FOXP1: variants seen among roughly 807,000 people sequenced by gnomAD.
The protein encoded by FOXP1 is forkhead box P1, also known as forkhead box protein P1.
FOXP1 carries 15 observed loss-of-function variants against 98.2 expected under a neutral mutation model. That is an observed-to-expected ratio of 0.15 (90% CI 0.10 to 0.24). The LOEUF (loss-of-function observed/expected upper bound fraction) is 0.24, where lower values mean the gene tolerates loss of function less well. Among genes scored for constraint, FOXP1 ranks in the 10% least tolerant of loss-of-function variants. The pLI is 1.00. For missense variants in FOXP1, 633 were observed against 848.5 expected, an observed-to-expected ratio of 0.75 and a Z score of 3.15; for synonymous variants, 371 against 314.5, an observed-to-expected ratio of 1.18 and a Z score of -1.90.
intron 5 of FOXP1, among the ~76,000 whole-genome samples, chr3:71,299,493 C>A (rs1287799179): frequency 6.6e-6 from 1 of 152,184 alleles, no homozygotes; most frequent in South Asian, 2.1e-4. Flanking sequence ...TTATGAATCA[C>A]CACTTTTGTG....
intron 3 of FOXP1, among the ~76,000 whole-genome samples, chr3:71,404,454 G>T (rs1263276462): frequency 2.0e-5 from 3 of 151,806 alleles, no homozygotes; most frequent in East Asian, 3.9e-4. Flanking sequence ...TTGGAAACAA[G>T]ACTTTATTGT....
chr3:71,152,947 A>G (rs568060346), intron 6 of FOXP1, among the ~76,000 whole-genome samples: 18 of 152,192 alleles, frequency 1.2e-4, no homozygotes, highest in Non-Finnish European at 2.2e-4. Flanking sequence ...TAACTCGGCA[A>G]GTCCTTGACA....
intron 6 of FOXP1, among the ~76,000 whole-genome samples, chr3:71,135,756 G>A (rs895491233): frequency 1.3e-5 from 2 of 152,294 alleles, no homozygotes; most frequent in African/African-American, 4.8e-5. Flanking sequence ...AGGCCAAGGG[G>A]ACTGTGGAAG....
At chr3:71,105,273 T>C (rs1377229221) in intron 7 of FOXP1, among the ~76,000 whole-genome samples, 1 of 152,222 alleles carries the variant, frequency 6.6e-6, no homozygotes, top group Non-Finnish European at 1.5e-5. Flanking sequence ...GACAGTGTTA[T>C]TCCTAATTAC....
chr3:70,970,725 G>GTTAATCTTACCTGTAAAGCTGCAT lies in FOXP1; in HGVS notation c.1709_1722+10dup, dbSNP rs1355238867. 6.2e-7 allele frequency: 1 copy of GTTAATCTTACCTGTAAAGCTGCAT among 1,609,886 alleles called. No homozygotes were observed. The highest frequency in any genetic ancestry group is 1.3e-5 in the African/African-American group (1 of 74,824). Reference sequence around the variant, plus strand: ...CCTCTGCTGCATATTCGGGACGGCCGTTAATCTTACCTGTAAAGCTGCATT... The same window carrying GTTAATCTTACCTGTAAAGCTGCAT: ...CCTCTGCTGCATATTCGGGACGGCCGTTAATCTTACCTGTAAAGCTGCATTTAATCTTACCTGTAAAGCTGCATT... On this transcript the variant is annotated intron_variant, in intron 19 of 20. Transcript: ENST00000649528.
intron 3 of FOXP1, among the ~76,000 whole-genome samples, chr3:71,416,181 A>G (rs1252375779): frequency 6.6e-6 from 1 of 152,188 alleles, no homozygotes; most frequent in African/African-American, 2.4e-5. Context: ...TAAAACCGAA[A>G]GGGATGAATG....
At chr3:71,581,119 G>C (rs890338750) in intron 2 of FOXP1, 5 of 976,586 alleles carry the variant, frequency 5.1e-6, no homozygotes, top group African/African-American at 1.8e-5. Flanking sequence ...TCTTCTGGTA[G>C]AGCAAAAAGA....
chr3:71,355,187 G>A (rs1343085516), intron 4 of FOXP1, among the ~76,000 whole-genome samples: 1 of 152,076 alleles, frequency 6.6e-6, no homozygotes, highest in African/African-American at 2.4e-5. Flanking sequence ...GTCCTCTTAG[G>A]TGCCATAAAA....
At chr3:71,415,510 A>T (rs539205222) in intron 3 of FOXP1, among the ~76,000 whole-genome samples, 1 of 152,336 alleles carries the variant, frequency 6.6e-6, no homozygotes, top group South Asian at 2.1e-4. Context: ...AAAGGAATGT[A>T]GAAATCATGG....
intron 4 of FOXP1, among the ~76,000 whole-genome samples, chr3:71,320,568 T>A (rs2075330446): frequency 6.6e-6 from 1 of 152,154 alleles, no homozygotes; most frequent in Admixed American, 6.5e-5. Context: ...GTCCCTGTTA[T>A]CTATTCCCTT....
intron 6 of FOXP1, among the ~76,000 whole-genome samples, chr3:71,153,942 T>C (rs554364131): frequency 2.0e-5 from 3 of 152,316 alleles, no homozygotes; most frequent in Admixed American, 2.0e-4. Flanking sequence ...ACACGTAGCA[T>C]ACTAGGTCCA....
chr3:71,414,694 C>T (rs2083072379), intron 3 of FOXP1, among the ~76,000 whole-genome samples: 1 of 152,218 alleles, frequency 6.6e-6, no homozygotes, highest in African/African-American at 2.4e-5. Flanking sequence ...CAAGCGGAGC[C>T]CTGGCCTCAA....
At chr3:71,211,198 A>C (rs2064432388) in intron 5 of FOXP1, among the ~76,000 whole-genome samples, 1 of 151,962 alleles carries the variant, frequency 6.6e-6, no homozygotes, top group Non-Finnish European at 1.5e-5. Flanking sequence ...ACCCACATTT[A>C]GTTCTATTTT....
intron 6 of FOXP1, among the ~76,000 whole-genome samples, chr3:71,171,766 A>AT (rs1265586807): frequency 6.6e-6 from 1 of 152,212 alleles, no homozygotes; most frequent in Non-Finnish European, 1.5e-5. Flanking sequence ...GAAAAGTTGT[A>AT]TTGACACACA....
intron 6 of FOXP1, among the ~76,000 whole-genome samples, chr3:71,132,369 T>C (rs1279559745): frequency 1.3e-5 from 2 of 152,198 alleles, no homozygotes; most frequent in Non-Finnish European, 2.9e-5. Flanking sequence ...TAACACCTAG[T>C]AGCTTTTAAG....
rs72628631 is a variant in FOXP1 at position 71,387,638 on chromosome 3, G to A, written c.-167-28394C>T. 2.0e-3 allele frequency among the ~76,000 whole-genome samples: 300 copies of A among 152,236 alleles called. 6 individuals are homozygous for A. The East Asian group carries it at 0.048, about 24-fold the overall frequency. ...TAAAAATGTATCAACTTCTTGCTGT[G>A]CGTATGAACGAATGCATAACAATTC... On this transcript the variant is annotated intron_variant, in intron 3 of 20. Coordinates refer to ENST00000649528, the MANE Select transcript of FOXP1 (RefSeq NM_001349338.3).
intron 6 of FOXP1, chr3:71,131,051 GA>G (rs796597912): frequency 2.5e-3 from 862 of 344,642 alleles, no homozygotes; most frequent in South Asian, 3.8e-3. Context: ...TGCTTTAAAA[GA>G]AAAAAAAAAG....
intron 5 of FOXP1, among the ~76,000 whole-genome samples, chr3:71,203,938 GAGGA>G (rs3033228): frequency 0.19 from 24,992 of 131,248 alleles, 2,566 homozygotes; most frequent in East Asian, 0.29. Flanking sequence ...GAAAAGGAAG[GAGGA>G]AGGAAGGAAG....
intron 4 of FOXP1, among the ~76,000 whole-genome samples, chr3:71,303,889 A>G (rs77446391): frequency 1.3e-5 from 2 of 152,152 alleles, no homozygotes; most frequent in Non-Finnish European, 2.9e-5. Flanking sequence ...AAAGGAAGGA[A>G]GAAGCTGCTG....
Sources: allele counts gnomAD v4.1 joint callset (sites outside exome capture counted in the v4.1 genomes callset), GRCh38; gene constraint gnomAD v4.1.1; transcripts MANE v1.5; gene names NCBI Gene and HGNC (gene_info 2026-07-23, HGNC 2026-07-21).